Variants in LRP1B observed in about 807,000 individuals in gnomAD.
LRP1B encodes the protein low-density lipoprotein receptor-related protein 1B.
A neutral mutation model predicts 556.6 loss-of-function variants in LRP1B; 217 were observed. That is an observed-to-expected ratio of 0.39 (90% confidence interval 0.35 to 0.44). The LOEUF is 0.44. Ranked by LOEUF, LRP1B falls within the 20% of genes least tolerant of loss-of-function variation. LRP1B has a pLI of 1.00. For synonymous variants in LRP1B, 2,047 were observed against 1,865.8 expected, an observed-to-expected ratio of 1.10 and a Z score of -2.50; for missense variants, 5,053 against 5,620.8, an observed-to-expected ratio of 0.90 and a Z score of 3.23.
chr2:140,322,403 A>G (rs1452785744), intron 81 of LRP1B, among the ~76,000 whole-genome samples: 2 of 152,062 alleles, frequency 1.3e-5, no homozygotes, highest in African/African-American at 4.8e-5. Context: ...TAGAACCTGA[A>G]GTACCATTGG....
At chr2:141,313,826 T>C (rs530894337) in intron 3 of LRP1B, among the ~76,000 whole-genome samples, 1 of 152,174 alleles carries the variant, frequency 6.6e-6, no homozygotes, top group South Asian at 2.1e-4. Context: ...CATTTCTCCA[T>C]CACTAGTTTC....
chr2:140,702,675 C>T lies in LRP1B; in HGVS notation c.6024-122G>A, dbSNP rs148462856. On this transcript the variant is annotated intron_variant, in intron 37 of 90. Transcript: ENST00000389484. ...ACACTAGAATAAAAATAATACATTT[C>T]GGAAGTTAATATACAGTGTGCTTAT... 3,629 of 874,904 alleles carry T rather than the reference C, an allele frequency of 4.1e-3. 14 individuals are homozygous for T. The highest frequency in any genetic ancestry group is 5.6e-3 in the Non-Finnish European group (3,206 of 568,854). The allele number at this position is 874,904 out of a possible 1,614,324, so 54.2% of individuals were successfully genotyped here. A position where few individuals can be genotyped will look rare whatever the true frequency, so the allele number is the denominator to read the frequency against.
chr2:141,045,635 T>G (rs1383845232), intron 11 of LRP1B, among the ~76,000 whole-genome samples: 1 of 152,048 alleles, frequency 6.6e-6, no homozygotes, highest in African/African-American at 2.4e-5. Context: ...ATCTTATTCA[T>G]TTATGTGTTT....
intron 2 of LRP1B, among the ~76,000 whole-genome samples, chr2:141,558,388 C>G (rs1440810445): frequency 6.6e-6 from 1 of 151,664 alleles, no homozygotes; most frequent in East Asian, 1.9e-4. Context: ...TAAAAGAGAT[C>G]AGCTACACAG....
intron 12 of LRP1B, among the ~76,000 whole-genome samples, chr2:141,019,445 G>A (rs1219905201): frequency 6.6e-6 from 1 of 151,988 alleles, no homozygotes; most frequent in Non-Finnish European, 1.5e-5. Flanking sequence ...TTATAAAGCA[G>A]GGATAAGAAT....
At chr2:140,502,543 AAT>A (rs1299257605) in intron 54 of LRP1B, among the ~76,000 whole-genome samples, 1 of 152,056 alleles carries the variant, frequency 6.6e-6, no homozygotes, top group Non-Finnish European at 1.5e-5. Context: ...CCAAGTTTTT[AAT>A]ATATGTATAT....
At chr2:140,970,708 T>C (rs1279991470) in intron 18 of LRP1B, among the ~76,000 whole-genome samples, 1 of 133,220 alleles carries the variant, frequency 7.5e-6, no homozygotes, top group East Asian at 2.1e-4. Context: ...CTTTTAATTT[T>C]TTAACCTTTT....
At chr2:140,819,564 C>A (rs186668087) in intron 31 of LRP1B, among the ~76,000 whole-genome samples, 17 of 151,914 alleles carry the variant, frequency 1.1e-4, no homozygotes, top group Non-Finnish European at 1.8e-4. Context: ...GAAAACTTCA[C>A]AGAAAAGAGA....
intron 2 of LRP1B, among the ~76,000 whole-genome samples, chr2:141,481,516 A>T (rs1186280291): frequency 6.6e-6 from 1 of 152,202 alleles, no homozygotes; most frequent in East Asian, 1.9e-4. Flanking sequence ...TGCCGAATCC[A>T]TGCGACATTA....
At chr2:140,267,650 T>A (rs148384869) in intron 86 of LRP1B, among the ~76,000 whole-genome samples, 9 of 151,978 alleles carry the variant, frequency 5.9e-5, no homozygotes, top group Non-Finnish European at 1.0e-4. Context: ...TCCAAATACT[T>A]CTGATTTGCA....
Position 140,907,996 on chromosome 2 carries a change from A to C in LRP1B, c.3401T>G (p.Phe1134Cys). 1.2e-6 allele frequency: 2 copies of C among 1,613,546 alleles called. No homozygotes were observed. The highest frequency in any genetic ancestry group is 1.7e-6 in the Non-Finnish European group (2 of 1,179,700). The change falls in exon 22 of 91, where the codon TTC becomes TGC. Residue 1134 changes from phenylalanine to cysteine, a missense_variant. Transcript: ENST00000389484. ...DQSDEDDCDS[F>C]LCGPPKHPCA... ...AGGATGCTTGGGTGGTCCACACAAG[A>C]AACTGTCACAGTCATCTTCATCTGA...
intron 2 of LRP1B, among the ~76,000 whole-genome samples, chr2:141,624,931 G>A (rs62166517): frequency 0.036 from 5,540 of 152,044 alleles, 134 homozygotes; most frequent in Non-Finnish European, 0.055. Flanking sequence ...CACCACGCCC[G>A]GCTAATTTTT....
intron 25 of LRP1B, among the ~76,000 whole-genome samples, chr2:140,871,537 C>A (rs977202927): frequency 7.2e-5 from 11 of 152,094 alleles, no homozygotes; most frequent in African/African-American, 2.4e-4. Flanking sequence ...AAATATGATT[C>A]AGGGCAAGAG....
rs149719260 is a variant in LRP1B at position 140,701,819 on chromosome 2, C to T, written c.6329G>A (p.Arg2110Lys). Residue 2110 changes from arginine to lysine, a missense_variant, in exon 40 of 91, where the codon AGG (arginine) becomes AAG (lysine). Arg to Lys is a conservative substitution (Grantham distance 26). Around this residue, in one of 5 missense-constraint regions of LRP1B, gnomAD observed 3,619 missense variants for 3,931.9 expected, o/e 0.92. Transcript: ENST00000389484. ...TTCTGTGGCATCATTCTTGTGGCCCCTTCTGACAGACCCGTTTGCATGTGC... is the reference window on the plus strand; with the variant it reads ...TTCTGTGGCATCATTCTTGTGGCCCTTTCTGACAGACCCGTTTGCATGTGC... ...DRAHANGSVR[R>K]GHKNDATETI... The T allele has an allele frequency of 1.1e-5, 18 of 1,613,196 alleles. No homozygotes were observed. The African/African-American group carries it at 2.0e-4, about 18-fold the overall frequency.
intron 2 of LRP1B, among the ~76,000 whole-genome samples, chr2:141,680,980 T>C (rs355554): frequency 0.045 from 6,907 of 152,086 alleles, 214 homozygotes; most frequent in Admixed American, 0.07. Context: ...CTAAGACAAA[T>C]AGAAACTTTC....
chr2:141,153,852 T>A (rs537479231), intron 7 of LRP1B, among the ~76,000 whole-genome samples: 1 of 150,868 alleles, frequency 6.6e-6, no homozygotes, highest in African/African-American at 2.4e-5. Flanking sequence ...TGGGAAACAA[T>A]AAGGAAGTAA....
intron 17 of LRP1B, among the ~76,000 whole-genome samples, chr2:140,983,315 A>G (rs1331773444): frequency 6.6e-6 from 1 of 152,062 alleles, no homozygotes; most frequent in African/African-American, 2.4e-5. Flanking sequence ...AAAATTGTGG[A>G]TAGGTGAGGC....
At chr2:141,953,128 A>G (rs937444184) in intron 1 of LRP1B, among the ~76,000 whole-genome samples, 4 of 152,024 alleles carry the variant, frequency 2.6e-5, no homozygotes, top group Admixed American at 1.3e-4. Flanking sequence ...GTCTGTGTAC[A>G]TATCATTAGA....
chr2:141,982,231 T>C (rs576708710), intron 1 of LRP1B, among the ~76,000 whole-genome samples: 39 of 152,190 alleles, frequency 2.6e-4, no homozygotes, highest in Non-Finnish European at 3.2e-4. Flanking sequence ...AGTGGGCTAA[T>C]GGCTGACTGA....
Sources: allele counts gnomAD v4.1 joint callset (sites outside exome capture counted in the v4.1 genomes callset), GRCh38; gene constraint gnomAD v4.1.1; regional missense constraint gnomAD v4.1.1; transcripts MANE v1.5; gene names NCBI Gene and HGNC (gene_info 2026-07-23, HGNC 2026-07-21).